Variants in GYPC observed in about 807,000 individuals in gnomAD.
GYPC encodes the protein glycophorin-C.
GYPC carries 14 observed loss-of-function variants against 12.6 expected under a neutral mutation model. That is an observed-to-expected ratio of 1.11 (90% CI 0.74 to 1.74). The LOEUF is 1.74. GYPC is among the 40% of genes most tolerant of loss of function. The pLI, the probability that GYPC is intolerant of heterozygous loss-of-function variation, is 0.00. For missense variants in GYPC, 225 were observed against 172.1 expected (o/e 1.31, Z -1.72); for synonymous variants, 78 against 62.1 (o/e 1.26, Z -1.20).
intron 1 of GYPC, among the ~76,000 whole-genome samples, chr2:126,674,827 T>C (rs902577264): frequency 6.6e-6 from 1 of 152,218 alleles, no homozygotes; most frequent in African/African-American, 2.4e-5. Flanking sequence ...AGACAGCACA[T>C]TTTACCTTCA....
intron 3 of GYPC, among the ~76,000 whole-genome samples, chr2:126,694,599 G>T (rs2104811239): frequency 6.6e-6 from 1 of 152,228 alleles, no homozygotes; most frequent in African/African-American, 2.4e-5. Context: ...GTGTAACCTG[G>T]CATTCTCCAA....
chr2:126,677,211 GC>G (rs1481637937), intron 1 of GYPC, among the ~76,000 whole-genome samples: 3 of 152,058 alleles, frequency 2.0e-5, no homozygotes, highest in Non-Finnish European at 2.9e-5. Flanking sequence ...GTGCATGTGT[GC>G]CTGTGTGTGC....
chr2:126,659,259 G>A (rs1682461245), intron 1 of GYPC, among the ~76,000 whole-genome samples: 1 of 152,208 alleles, frequency 6.6e-6, no homozygotes, highest in African/African-American at 2.4e-5. Flanking sequence ...TTTCGGGGAA[G>A]TGTCGGTTGA....
chr2:126,659,999 G>C (rs998879650), intron 1 of GYPC, among the ~76,000 whole-genome samples: 1 of 152,132 alleles, frequency 6.6e-6, no homozygotes, highest in Non-Finnish European at 1.5e-5. Context: ...AACACCAGAG[G>C]CTCGGGGGAG....
rs572556605 is a variant in GYPC, at chr2:126,694,555, A to T, written c.190+608A>T. Among the ~76,000 whole-genome samples the T allele has an allele frequency of 7.4e-4, 112 of 152,272 alleles. 2 individuals are homozygous for T. The highest frequency in any genetic ancestry group is 2.5e-3 in the African/African-American group (104 of 41,556). Reference sequence around the variant, plus strand: ...AATTTGAAAAGAAAGAAAAAGCAGCAGAAGCAAGCAATCAAAGACACCTGT... The same window carrying T: ...AATTTGAAAAGAAAGAAAAAGCAGCTGAAGCAAGCAATCAAAGACACCTGT... On this transcript the variant is annotated intron_variant, in intron 3 of 3. Transcript: ENST00000259254.
At chr2:126,675,836 A>T (rs1260738961) in intron 1 of GYPC, 1 of 245,332 alleles carries the variant, frequency 4.1e-6, no homozygotes, top group Non-Finnish European at 6.5e-6. Context: ...AGAGAAAAAT[A>T]AGCTAATGAT....
chr2:126,657,306 G>C (rs1426369264), intron 1 of GYPC, among the ~76,000 whole-genome samples: 2 of 152,218 alleles, frequency 1.3e-5, no homozygotes, highest in African/African-American at 4.8e-5. Context: ...GCCTGGGAGT[G>C]CGCAGGCATC....
intron 1 of GYPC, among the ~76,000 whole-genome samples, chr2:126,663,825 CT>C (rs1477486734): frequency 6.6e-6 from 1 of 152,198 alleles, no homozygotes; most frequent in African/African-American, 2.4e-5. Context: ...CGGGGGCCTC[CT>C]TCCCTCGGCT....
intron 1 of GYPC, chr2:126,658,869 T>G (rs966287610): frequency 3.3e-5 from 5 of 152,264 alleles, no homozygotes; most frequent in Non-Finnish European, 5.9e-5. Context: ...TTAGGCTGTA[T>G]GCAGACTTCA....
At chr2:126,692,061 G>A (rs28387209) in intron 2 of GYPC, among the ~76,000 whole-genome samples, 2,286 of 152,262 alleles carry the variant, frequency 0.015, 60 homozygotes, top group African/African-American at 0.052. Flanking sequence ...CTATGTGCTA[G>A]ATACTAAACT....
At chr2:126,663,119 C>A (rs1222200962) in intron 1 of GYPC, among the ~76,000 whole-genome samples, 1 of 152,206 alleles carries the variant, frequency 6.6e-6, no homozygotes, top group African/African-American at 2.4e-5. Flanking sequence ...CTCACTGCAA[C>A]CTCCGACTCC....
At chr2:126,659,723 T>C (rs1434304058) in intron 1 of GYPC, among the ~76,000 whole-genome samples, 1 of 152,108 alleles carries the variant, frequency 6.6e-6, no homozygotes, top group East Asian at 1.9e-4. Flanking sequence ...GGGGCTTTCC[T>C]GGGTCTCCCC....
intron 1 of GYPC, among the ~76,000 whole-genome samples, chr2:126,664,771 C>T (rs1682632012): frequency 6.6e-6 from 1 of 152,222 alleles, no homozygotes; most frequent in East Asian, 1.9e-4. Context: ...GCCCCTTGCT[C>T]CCAGGGCTCT....
At chr2:126,676,882 T>A (rs1683007342) in intron 1 of GYPC, among the ~76,000 whole-genome samples, 1 of 152,106 alleles carries the variant, frequency 6.6e-6, no homozygotes, top group African/African-American at 2.4e-5. Context: ...CAAAATGAAA[T>A]TGAATTGGTA....
At chr2:126,686,495 A>G (rs929489929) in intron 1 of GYPC, 1 of 985,520 alleles carries the variant, frequency 1.0e-6, no homozygotes, top group African/African-American at 1.7e-5. Context: ...CACAAAGATG[A>G]GCATAGTGAA....
chr2:126,690,638 G>A (rs389735), intron 2 of GYPC, among the ~76,000 whole-genome samples: 10 of 152,136 alleles, frequency 6.6e-5, no homozygotes, highest in South Asian at 2.1e-4. Context: ...GTTTTGGTGA[G>A]GGAGGTTGAG....
chr2:126,671,143 G>C (rs918943112), intron 1 of GYPC, among the ~76,000 whole-genome samples: 3 of 152,208 alleles, frequency 2.0e-5, no homozygotes, highest in Admixed American at 2.0e-4. Flanking sequence ...CCCACGAGAA[G>C]AGCATCAGTT....
intron 1 of GYPC, 120 bp downstream of exon 1, chr2:126,656,432 G>A (rs1317761256): frequency 1.3e-6 from 1 of 798,420 alleles, no homozygotes; most frequent in Non-Finnish European, 2.0e-6. Context: ...GGGCCTCCAG[G>A]CGGAGGAGGC....
intron 3 of GYPC, among the ~76,000 whole-genome samples, chr2:126,695,736 A>T (rs1257973370): frequency 1.3e-5 from 2 of 152,214 alleles, no homozygotes; most frequent in Non-Finnish European, 2.9e-5. Context: ...GATGCTCAGT[A>T]GGTTTGGAGT....
Sources: gnomAD v4.1 joint callset for allele counts (sites outside exome capture counted in the v4.1 genomes callset) on GRCh38, gnomAD v4.1.1 for gene constraint, MANE v1.5 for transcripts, NCBI Gene and HGNC (gene_info 2026-07-23, HGNC 2026-07-21) for gene names.